The following ST8SIA1 variants were observed in gnomAD, a reference collection of about 807,000 sequenced individuals.
The protein encoded by ST8SIA1 is alpha-N-acetylneuraminide alpha-2,8-sialyltransferase.
In ST8SIA1, 16 loss-of-function variants were observed where a neutral mutation model predicts 35.9. That is an observed-to-expected ratio of 0.45 (90% CI 0.30 to 0.68). The LOEUF (loss-of-function observed/expected upper bound fraction) is 0.68. Ranked by LOEUF, ST8SIA1 falls within the 30% of genes least tolerant of loss-of-function variation. The probability of loss-of-function intolerance (pLI) is 0.09; values close to 1 mark genes in which losing one functional copy is unlikely to be tolerated. For synonymous variants in ST8SIA1, 170 were observed against 169.6 expected, an observed-to-expected ratio of 1.00 and a Z score of -0.02; for missense variants, 383 against 453.6, an observed-to-expected ratio of 0.84 and a Z score of 1.41.
intron 1 of ST8SIA1, among the ~76,000 whole-genome samples, chr12:22,296,510 C>G (rs1039007564): frequency 6.6e-6 from 1 of 152,162 alleles, no homozygotes; most frequent in African/African-American, 2.4e-5. Context: ...AGCAAAGTAT[C>G]CCTCTATTAG....
chr12:22,221,888 A>G (rs2041906), intron 4 of ST8SIA1, among the ~76,000 whole-genome samples: 82,715 of 151,908 alleles, frequency 0.54, 22,859 homozygotes, highest in East Asian at 0.65. Context: ...AACGAATTGC[A>G]TATGTTACAT....
chr12:22,260,011 C>G (rs1357613527), intron 2 of ST8SIA1, among the ~76,000 whole-genome samples: 1 of 151,992 alleles, frequency 6.6e-6, no homozygotes, highest in Admixed American at 6.6e-5. Flanking sequence ...AAATGTGTCT[C>G]CTTGTACCTA....
intron 4 of ST8SIA1, among the ~76,000 whole-genome samples, chr12:22,239,186 G>T (rs1407246460): frequency 6.6e-6 from 1 of 151,954 alleles, no homozygotes; most frequent in Non-Finnish European, 1.5e-5. Context: ...TTGTCTGTTT[G>T]CATTTTTAAA....
intron 2 of ST8SIA1, 83 bp downstream of exon 2, chr12:22,287,066 A>C (rs569729052): frequency 5.3e-6 from 7 of 1,319,400 alleles, no homozygotes; most frequent in Non-Finnish European, 7.3e-6. Context: ...CAATCTGATG[A>C]GTAAGGCAAA....
At chr12:22,257,634 C>T (rs767484419) in intron 2 of ST8SIA1, among the ~76,000 whole-genome samples, 8 of 151,690 alleles carry the variant, frequency 5.3e-5, no homozygotes, top group Non-Finnish European at 1.0e-4. Flanking sequence ...ACCCCTGGTG[C>T]AGAGACCCTA....
chr12:22,263,230 G>A (rs574569694), intron 2 of ST8SIA1, among the ~76,000 whole-genome samples: 1 of 152,268 alleles, frequency 6.6e-6, no homozygotes, highest in Non-Finnish European at 1.5e-5. Flanking sequence ...TTTTGAAGAC[G>A]ACAACAGGAG....
chr12:22,243,517 T>C (rs1246812629), intron 4 of ST8SIA1, among the ~76,000 whole-genome samples: 1 of 152,236 alleles, frequency 6.6e-6, no homozygotes, highest in African/African-American at 2.4e-5. Context: ...GCACTTTGTT[T>C]ACCACCCTGT....
At chr12:22,315,373 C>T (rs2135835999) in intron 1 of ST8SIA1, among the ~76,000 whole-genome samples, 1 of 152,268 alleles carries the variant, frequency 6.6e-6, no homozygotes, top group Admixed American at 6.5e-5. Context: ...TTCTTTCTCC[C>T]AGTAAGATTC....
At chr12:22,222,495 CA>C (rs1215410632) in intron 4 of ST8SIA1, among the ~76,000 whole-genome samples, 2 of 152,022 alleles carry the variant, frequency 1.3e-5, no homozygotes, top group East Asian at 3.9e-4. Context: ...TTATTTTTAT[CA>C]CAGTTAACAA....
chr12:22,227,483 A>C (rs2120679197), intron 4 of ST8SIA1, among the ~76,000 whole-genome samples: 1 of 152,178 alleles, frequency 6.6e-6, no homozygotes, highest in East Asian at 2.0e-4. Flanking sequence ...CTGAGGCAGG[A>C]GAATTGCTGA....
chr12:22,322,859 T>C (rs1866619900), intron 1 of ST8SIA1, among the ~76,000 whole-genome samples: 1 of 152,224 alleles, frequency 6.6e-6, no homozygotes, highest in African/African-American at 2.4e-5. Context: ...TTTTAGTAAA[T>C]AGGAAAATGA....
At chr12:22,254,658 C>T (rs1042858454) in intron 3 of ST8SIA1, among the ~76,000 whole-genome samples, 1 of 152,224 alleles carries the variant, frequency 6.6e-6, no homozygotes, top group Admixed American at 6.5e-5. Flanking sequence ...CAGTCTCTGT[C>T]CCTGGCTGAA....
chr12:22,305,349 A>T (rs1255502525), intron 1 of ST8SIA1, among the ~76,000 whole-genome samples: 1 of 151,384 alleles, frequency 6.6e-6, no homozygotes, highest in East Asian at 1.9e-4. Context: ...GTACGGTAAT[A>T]TTAGAATTGT....
chr12:22,325,466 G>C (rs373447944), intron 1 of ST8SIA1: 1 of 702,060 alleles, frequency 1.4e-6, no homozygotes, highest in South Asian at 1.5e-5. Context: ...ACAGCTAGAA[G>C]ACAGTTCAAC....
At chr12:22,330,721 G>A (rs1000429013) in intron 1 of ST8SIA1, among the ~76,000 whole-genome samples, 1 of 152,114 alleles carries the variant, frequency 6.6e-6, no homozygotes, top group Admixed American at 6.6e-5. Flanking sequence ...ATAGTGTCAG[G>A]CAGATAATAA....
At chr12:22,260,652 T>C (rs112907833) in intron 2 of ST8SIA1, among the ~76,000 whole-genome samples, 63 of 152,210 alleles carry the variant, frequency 4.1e-4, no homozygotes, top group African/African-American at 1.5e-3. Context: ...AAAAAACCAT[T>C]TGTTCCATCT....
intron 2 of ST8SIA1, among the ~76,000 whole-genome samples, chr12:22,283,972 AACAGAAAGTT>A (rs1866065713): frequency 6.6e-6 from 1 of 152,240 alleles, no homozygotes; most frequent in Non-Finnish European, 1.5e-5. Context: ...AATAAATTTG[AACAGAAAGTT>A]ACAGAAAGTT....
intron 1 of ST8SIA1, among the ~76,000 whole-genome samples, chr12:22,306,291 C>T (rs1030122590): frequency 6.6e-6 from 1 of 152,170 alleles, no homozygotes; most frequent in African/African-American, 2.4e-5. Flanking sequence ...TCAATCTTGG[C>T]AAAATCAACT....
At chr12:22,241,732 AT>A (rs1410488031) in intron 4 of ST8SIA1, among the ~76,000 whole-genome samples, 1 of 151,620 alleles carries the variant, frequency 6.6e-6, no homozygotes, top group Non-Finnish European at 1.5e-5. Context: ...AATTTATAAA[AT>A]CCCTTCCATG....
Sources: gnomAD v4.1 joint callset for allele counts (sites outside exome capture counted in the v4.1 genomes callset) on GRCh38, gnomAD v4.1.1 for gene constraint, MANE v1.5 for transcripts, NCBI Gene and HGNC (gene_info 2026-07-23, HGNC 2026-07-21) for gene names.